Variants in DGKI observed in about 807,000 individuals in gnomAD.
DGKI encodes the protein DAG kinase iota.
Under a neutral mutation model 147.5 loss-of-function variants are expected in DGKI, and 55 were observed. That is an observed-to-expected ratio of 0.37 (90% CI 0.30 to 0.47). The LOEUF is 0.47. Among genes scored for constraint, DGKI ranks in the 20% least tolerant of loss-of-function variants. The pLI is 1.00. For missense variants in DGKI, 1,007 were observed against 1,323.8 expected (o/e 0.76, Z 3.71); for synonymous variants, 469 against 477.1 (o/e 0.98, Z 0.22).
intron 1 of DGKI, among the ~76,000 whole-genome samples, chr7:137,785,493 C>CG (rs1554478011): frequency 6.9e-6 from 1 of 144,742 alleles, no homozygotes; most frequent in Non-Finnish European, 1.5e-5. Context: ...AAATTGCCAA[C>CG]AAAAAAAAAA....
intron 28 of DGKI, among the ~76,000 whole-genome samples, chr7:137,432,088 C>T (rs1190788170): frequency 6.6e-6 from 1 of 152,198 alleles, no homozygotes; most frequent in African/African-American, 2.4e-5. Flanking sequence ...CTTCCTCCTG[C>T]TCCAGCCATG....
intron 21 of DGKI, among the ~76,000 whole-genome samples, chr7:137,497,853 G>A (rs1816024907): frequency 6.6e-6 from 1 of 152,018 alleles, no homozygotes; most frequent in Non-Finnish European, 1.5e-5. Context: ...TGCCTATCTG[G>A]TACTATGCTT....
intron 28 of DGKI, among the ~76,000 whole-genome samples, chr7:137,422,975 T>A (rs558313571): frequency 6.6e-6 from 1 of 152,300 alleles, no homozygotes; most frequent in South Asian, 2.1e-4. Context: ...CTTCTTAACA[T>A]TTGAATGAAA....
intron 23 of DGKI, among the ~76,000 whole-genome samples, chr7:137,474,719 A>G (rs1427316029): frequency 6.6e-6 from 1 of 152,224 alleles, no homozygotes; most frequent in Non-Finnish European, 1.5e-5. Flanking sequence ...TAGGGGAGAC[A>G]GATCTGATGA....
chr7:137,656,697 T>C (rs376919865), intron 3 of DGKI, among the ~76,000 whole-genome samples, 157 bp from the exon 4 acceptor site: 29 of 152,222 alleles, frequency 1.9e-4, no homozygotes, highest in South Asian at 1.0e-3. Flanking sequence ...ATCTTAAATA[T>C]TGAATAAACT....
intron 6 of DGKI, among the ~76,000 whole-genome samples, chr7:137,625,993 C>A (rs1398327448): frequency 1.3e-5 from 2 of 152,182 alleles, no homozygotes; most frequent in Non-Finnish European, 2.9e-5. Flanking sequence ...ATTCCTTCCA[C>A]ATGTGTTTCA....
At chr7:137,777,474 C>A (rs764462411) in intron 1 of DGKI, among the ~76,000 whole-genome samples, 1 of 152,208 alleles carries the variant, frequency 6.6e-6, no homozygotes, top group African/African-American at 2.4e-5. Flanking sequence ...CTCACAGCAG[C>A]GACGGCTATG....
chr7:137,459,470 ATTTTTTTTTT>A (rs68045398), intron 27 of DGKI, among the ~76,000 whole-genome samples: 2 of 107,484 alleles, frequency 1.9e-5, no homozygotes, highest in African/African-American at 3.8e-5. Context: ...AATTTTTTAA[ATTTTTTTTTT>A]TTTTTTTTTT....
At chr7:137,452,270 C>G (rs1223550754) in intron 27 of DGKI, among the ~76,000 whole-genome samples, 1 of 152,204 alleles carries the variant, frequency 6.6e-6, no homozygotes, top group African/African-American at 2.4e-5. Context: ...ATTCTGAAAA[C>G]ACTCAGCAGT....
At position 137,577,714 on chromosome 7, in the gene DGKI, TG is replaced by T. The variant is rs1245254062; in HGVS notation, c.1699-431del. Among the ~76,000 whole-genome samples the T allele has an allele frequency of 2.0e-5, 3 of 152,116 alleles. No homozygotes were observed. In the East Asian group the frequency reaches 5.8e-4, roughly 29 times the overall value. Reference sequence around the variant, plus strand: ...TTTTATTTAAACTCCTCCTATCGATTGGCATAAATTTAAACTGTACTGATAT... The same window carrying T: ...TTTTATTTAAACTCCTCCTATCGATTGCATAAATTTAAACTGTACTGATAT... On this transcript the variant is annotated intron_variant, in intron 16 of 32. Transcript: ENST00000614521.
At chr7:137,535,910 T>C (rs1817502064) in intron 20 of DGKI, among the ~76,000 whole-genome samples, 2 of 152,142 alleles carry the variant, frequency 1.3e-5, no homozygotes, top group African/African-American at 4.8e-5. Flanking sequence ...TGCCACTCCT[T>C]ACGATTCTAA....
At chr7:137,447,155 A>C (rs1281001329) in intron 27 of DGKI, among the ~76,000 whole-genome samples, 1 of 152,218 alleles carries the variant, frequency 6.6e-6, no homozygotes, top group African/African-American at 2.4e-5. Flanking sequence ...AAATAATACA[A>C]AACAAAAATT....
chr7:137,661,450 G>A (rs1474653995), intron 3 of DGKI, among the ~76,000 whole-genome samples: 3 of 152,090 alleles, frequency 2.0e-5, no homozygotes, highest in South Asian at 4.2e-4. Context: ...TACTGTGAGT[G>A]CATAAGGGGG....
At chr7:137,619,537 T>C (rs976637263) in intron 8 of DGKI, among the ~76,000 whole-genome samples, 2 of 152,152 alleles carry the variant, frequency 1.3e-5, no homozygotes, top group Non-Finnish European at 2.9e-5. Context: ...TCAATGAAAC[T>C]TGGAAGAGCA....
chr7:137,796,783 G>A (rs1320209291), intron 1 of DGKI, among the ~76,000 whole-genome samples: 1 of 152,154 alleles, frequency 6.6e-6, no homozygotes, highest in Non-Finnish European at 1.5e-5. Flanking sequence ...AGAAAAGAAT[G>A]AAGGAAAATA....
chr7:137,525,955 A>G (rs1554423454), intron 20 of DGKI, among the ~76,000 whole-genome samples: 2 of 152,082 alleles, frequency 1.3e-5, no homozygotes, highest in Non-Finnish European at 2.9e-5. Context: ...TCTCCCACCT[A>G]GTATTTTAAA....
intron 21 of DGKI, among the ~76,000 whole-genome samples, chr7:137,511,038 T>C (rs1816562663): frequency 6.6e-6 from 1 of 152,196 alleles, no homozygotes; most frequent in Non-Finnish European, 1.5e-5. Flanking sequence ...TCCACCAGTG[T>C]GAACTAGGGA....
At chr7:137,517,318 A>AG (rs1816800715) in intron 21 of DGKI, among the ~76,000 whole-genome samples, 2 of 132,854 alleles carry the variant, frequency 1.5e-5, no homozygotes, top group Admixed American at 1.4e-4. Context: ...AAAGAAAGAA[A>AG]GAAAGAAAGA....
chr7:137,419,221 TTAAAG>T (rs987951381), intron 28 of DGKI, among the ~76,000 whole-genome samples: 39 of 152,222 alleles, frequency 2.6e-4, no homozygotes, highest in African/African-American at 9.4e-4. Flanking sequence ...CAAAATGAAG[TTAAAG>T]TAAATTTACA....
Sources: allele counts gnomAD v4.1 joint callset (sites outside exome capture counted in the v4.1 genomes callset), GRCh38; gene constraint gnomAD v4.1.1; transcripts MANE v1.5; gene names NCBI Gene and HGNC (gene_info 2026-07-23, HGNC 2026-07-21).